HS6ST2: variants seen among roughly 807,000 people sequenced by gnomAD.
HS6ST2 encodes heparan-sulfate 6-O-sulfotransferase 2.
In HS6ST2, 17 loss-of-function variants were observed where a neutral mutation model predicts 33.0. That is an observed-to-expected ratio of 0.52 (90% CI 0.35 to 0.77). The LOEUF (loss-of-function observed/expected upper bound fraction) is 0.77, where lower values mean the gene tolerates loss of function less well. Among genes scored for constraint, HS6ST2 ranks in the 30% least tolerant of loss-of-function variants. The probability of loss-of-function intolerance (pLI) is 0.01; values close to 1 mark genes in which losing one functional copy is unlikely to be tolerated. For missense variants in HS6ST2, 519 were observed against 551.7 expected, an observed-to-expected ratio of 0.94 and a Z score of 0.59; for synonymous variants, 248 against 237.1, an observed-to-expected ratio of 1.05 and a Z score of -0.42.
chrX:132,935,520 C>T (rs1188729940), intron 2 of HS6ST2, among the ~76,000 whole-genome samples: 1 of 112,000 alleles, frequency 8.9e-6, no homozygotes, highest in Non-Finnish European at 1.9e-5. Flanking sequence ...TGCACCACCA[C>T]AGTCAGCTAA....
chrX:132,877,726 G>T (rs1053951052), intron 2 of HS6ST2, among the ~76,000 whole-genome samples: 2 of 111,373 alleles, frequency 1.8e-5, no homozygotes, highest in African/African-American at 6.5e-5. Flanking sequence ...CTTTTCTCAA[G>T]CATCTGCTAG....
At chrX:132,930,618 C>T (rs1021201598) in intron 2 of HS6ST2, among the ~76,000 whole-genome samples, 3 of 111,005 alleles carry the variant, frequency 2.7e-5, no homozygotes, top group African/African-American at 9.9e-5. Context: ...AATTTCCTCC[C>T]CAAACCTGAG....
chrX:132,787,450 G>A (rs1380221122), intron 2 of HS6ST2, among the ~76,000 whole-genome samples: 12 of 98,357 alleles, frequency 1.2e-4, no homozygotes, highest in Non-Finnish European at 6.1e-5. Context: ...CCACCACCAC[G>A]TCCAGCTAAT....
At chrX:132,802,729 A>G (rs2065246563) in intron 2 of HS6ST2, among the ~76,000 whole-genome samples, 1 of 109,474 alleles carries the variant, frequency 9.1e-6, no homozygotes, top group Non-Finnish European at 1.9e-5. Context: ...AAAACACCAA[A>G]CTGAGCCTCT....
At chrX:132,832,211 G>T (rs1218025498) in intron 2 of HS6ST2, among the ~76,000 whole-genome samples, 3 of 111,758 alleles carry the variant, frequency 2.7e-5, no homozygotes, top group Non-Finnish European at 5.6e-5. Flanking sequence ...ATAAATAATA[G>T]ATTTAAGATC....
At chrX:132,785,248 T>C (rs2065051239) in intron 2 of HS6ST2, among the ~76,000 whole-genome samples, 1 of 112,051 alleles carries the variant, frequency 8.9e-6, no homozygotes. Context: ...GTCTTACTGG[T>C]AGCTTTCAAC....
At chrX:132,800,558 G>A (rs1011352096) in intron 2 of HS6ST2, among the ~76,000 whole-genome samples, 5 of 110,732 alleles carry the variant, frequency 4.5e-5, no homozygotes, top group African/African-American at 1.6e-4. Flanking sequence ...TAAAAAAGTC[G>A]AGGACCACTG....
rs192527666 is a variant in HS6ST2, at chrX:132,741,249, C to T, written c.948-32755G>A. Among the ~76,000 whole-genome samples the T allele has an allele frequency of 2.5e-4, 28 of 111,120 alleles. No individual in the cohort carries two copies. In the East Asian group the frequency reaches 7.7e-3, roughly 30 times the overall value. ...ACAGCCTCTTTAAGACTTGTTCTAG[C>T]CCTAAAGGCAGCATGGTGTAGAAGA... On this transcript the variant is annotated intron_variant, in intron 2 of 4. Transcript: ENST00000370833.
chrX:132,911,989 C>T (rs926512902), intron 2 of HS6ST2, among the ~76,000 whole-genome samples: 2 of 111,732 alleles, frequency 1.8e-5, no homozygotes, highest in Non-Finnish European at 3.8e-5. Flanking sequence ...ACAAAACACT[C>T]TATCATATAT....
At chrX:132,808,276 T>C (rs1182645107) in intron 2 of HS6ST2, among the ~76,000 whole-genome samples, 1 of 112,313 alleles carries the variant, frequency 8.9e-6, no homozygotes, top group Non-Finnish European at 1.9e-5. Flanking sequence ...TAAATTAACA[T>C]GCCTTTCTTC....
rs192718538 is a variant in HS6ST2 at position 132,853,764 on chromosome X, G to A, written c.947+103044C>T. On this transcript the variant is annotated intron_variant, in intron 2 of 4. Coordinates refer to ENST00000370833, the MANE Select transcript of HS6ST2 (RefSeq NM_001394073.1). ...TCAAAAGCACAAATAGGCCAGGCAC[G>A]ATGGCTCATGCCTATAATCCCAGCA... Among the ~76,000 whole-genome samples, 28 of 111,323 alleles carry A rather than the reference G, an allele frequency of 2.5e-4. No homozygotes were observed. The Admixed American group carries it at 2.6e-3, about 10-fold the overall frequency.
intron 2 of HS6ST2, among the ~76,000 whole-genome samples, chrX:132,913,469 G>A (rs934155427): frequency 1.8e-5 from 2 of 112,767 alleles, no homozygotes; most frequent in Non-Finnish European, 3.8e-5. Flanking sequence ...AGATGCCACT[G>A]TGTTCCCCTC....
rs566285985 is a variant in HS6ST2 at position 132,879,767 on chromosome X, C to A, written c.947+77041G>T. Among the ~76,000 whole-genome samples, 49 of 112,080 alleles carry A rather than the reference C, an allele frequency of 4.4e-4. No individual in the cohort carries two copies. The South Asian group carries it at 0.018, about 41-fold the overall frequency. On this transcript the variant is annotated intron_variant, in intron 2 of 4. Transcript: ENST00000370833. ...GCCTCTGTTCTGGGTACTGGAAATACAAGTTGAAGATTCATTCCCTATGCT... is the reference window on the plus strand; with the variant it reads ...GCCTCTGTTCTGGGTACTGGAAATAAAAGTTGAAGATTCATTCCCTATGCT...
In HS6ST2 at chrX:132,958,362, C is replaced by T. The variant is rs1468758571; in HGVS notation, c.241G>A (p.Ala81Thr). Residue 81 changes from alanine (A) to threonine (T), a missense_variant, in exon 1 of 5, where the codon GCC becomes ACC. Ala to Thr is a moderately conservative substitution (Grantham distance 58, BLOSUM62 0). Coordinates refer to ENST00000370833, the MANE Select transcript of HS6ST2 (RefSeq NM_001394073.1). ...AGCGCGAAAAGCGGGGCGCACGCGG[C>T]TCCCGCCAGGGAAGAAGACGCCTTT... ...PRKASSSLAG[A>T]ACAPLFALLS... 3 of 1,199,249 alleles carry T rather than the reference C, an allele frequency of 2.5e-6. No individual in the cohort carries two copies. Among genetic ancestry groups the T allele is most frequent in the South Asian group, 1.8e-5 (1 of 56,528 alleles).
At chrX:132,677,155 A>G (rs747445903) in intron 3 of HS6ST2, among the ~76,000 whole-genome samples, 2 of 112,479 alleles carry the variant, frequency 1.8e-5, no homozygotes, top group Non-Finnish European at 3.8e-5. Context: ...TCCCCAGAGT[A>G]GGCCAGAAAA....
At chrX:132,868,723 T>C (rs1436496692) in intron 2 of HS6ST2, among the ~76,000 whole-genome samples, 3 of 111,906 alleles carry the variant, frequency 2.7e-5, no homozygotes, top group African/African-American at 9.7e-5. Flanking sequence ...ATAAGTTCTT[T>C]GAAACCGACG....
At chrX:132,800,839 C>T (rs1227115189) in intron 2 of HS6ST2, among the ~76,000 whole-genome samples, 2 of 111,472 alleles carry the variant, frequency 1.8e-5, no homozygotes, top group Non-Finnish European at 3.8e-5. Context: ...GGTGGTTTCT[C>T]CCATGCTGTT....
At chrX:132,791,456 T>C (rs907221523) in intron 2 of HS6ST2, among the ~76,000 whole-genome samples, 1 of 112,112 alleles carries the variant, frequency 8.9e-6, no homozygotes, top group Non-Finnish European at 1.9e-5. Context: ...CAATATGATC[T>C]CCTAGAAATA....
intron 2 of HS6ST2, among the ~76,000 whole-genome samples, chrX:132,925,262 T>C (rs997055808): frequency 4.5e-5 from 5 of 111,961 alleles, no homozygotes; most frequent in Non-Finnish European, 9.4e-5. Context: ...CTTATGTACC[T>C]TGGCATCTGG....
Sources: gnomAD v4.1 joint callset for allele counts (sites outside exome capture counted in the v4.1 genomes callset) on GRCh38, gnomAD v4.1.1 for gene constraint, MANE v1.5 for transcripts, NCBI Gene and HGNC (gene_info 2026-07-23, HGNC 2026-07-21) for gene names.